Variants in CCDC125 observed in about 807,000 individuals in gnomAD.
CCDC125 encodes the protein coiled-coil domain containing 125.
In CCDC125, 43 loss-of-function variants were observed where a neutral mutation model predicts 57.4. The ratio of observed to expected loss-of-function variants is 0.75; its 90% CI spans 0.59 to 0.97. The LOEUF is 0.97. Among genes scored for constraint, CCDC125 ranks in the 50% least tolerant of loss-of-function variants. The pLI is 0.00. For synonymous variants in CCDC125, 187 were observed against 195.2 expected (o/e 0.96, Z 0.35); for missense variants, 563 against 595.7 (o/e 0.95, Z 0.57).
In CCDC125 at chr5:69,285,368, G is replaced by A; in HGVS notation, c.1199C>T (p.Pro400Leu). ...TATGAGCATCTTAAGGACCTCTTGA[G>A]GACTGTCCTGGTCTTCCATCCTCTT... is the stretch of plus-strand genomic sequence containing the variant. ...SSKRMEDQDS[P>L]QEVLKMLIDL... Residue 400 changes from proline (P) to leucine (L), a missense_variant, in exon 11 of 12, where the codon CCT becomes CTT. Pro to Leu is a moderately conservative substitution (Grantham distance 98). Transcript: ENST00000396496. The A allele has an allele frequency of 6.2e-7, 1 of 1,611,962 alleles. No individual in the cohort carries two copies. The highest frequency in any genetic ancestry group is 8.5e-7 in the Non-Finnish European group (1 of 1,179,430).
intron 1 of CCDC125, among the ~76,000 whole-genome samples, chr5:69,328,370 A>C (rs925027416): frequency 3.3e-5 from 5 of 152,202 alleles, no homozygotes; most frequent in Admixed American, 2.6e-4. Context: ...ACTTTATAAA[A>C]TACTATGTAA....
intron 2 of CCDC125, among the ~76,000 whole-genome samples, chr5:69,315,140 C>G (rs898816305): frequency 2.0e-5 from 3 of 151,878 alleles, no homozygotes; most frequent in African/African-American, 7.3e-5. Context: ...CCTGTAGTCT[C>G]AGCTACTCAA....
chr5:69,290,756 A>G (rs1183287001), intron 10 of CCDC125, among the ~76,000 whole-genome samples: 1 of 150,672 alleles, frequency 6.6e-6, no homozygotes, highest in African/African-American at 2.4e-5. Flanking sequence ...CAGCCTCCCA[A>G]GTAGCTGGGA....
At chr5:69,284,122 A>T (rs2150286324) in intron 11 of CCDC125, among the ~76,000 whole-genome samples, 1 of 152,190 alleles carries the variant, frequency 6.6e-6, no homozygotes, top group Non-Finnish European at 1.5e-5. Flanking sequence ...ATTTTTTAAA[A>T]AAAAAAACAG....
chr5:69,307,756 A>C lies in CCDC125; in HGVS notation c.531+195T>G, dbSNP rs890723166. 1.8e-5 allele frequency: 10 copies of C among 565,878 alleles called. No homozygotes were observed. The Admixed American group carries it at 2.8e-4, about 16-fold the overall frequency. 35.1% of individuals were successfully genotyped at this position (565,878 alleles called of 1,614,324 possible). ...TCCTACTACCTTAACATGGGGAAAT[A>C]AAAATAACCTGAATTCATTGTGCAC... On this transcript the variant is annotated intron_variant, in intron 5 of 11. Coordinates refer to ENST00000396496, the MANE Select transcript of CCDC125 (RefSeq NM_176816.5).
rs145923869 is a variant in CCDC125, at chr5:69,322,059, T to A, written c.-40-1479A>T. On this transcript the variant is annotated intron_variant, in intron 1 of 11. Transcript: ENST00000396496. ...TTTCTCCATGTTGGTCAAGCTGGTC[T>A]CGAACTCCTGACCTCAGGTGATCTG... is the stretch of plus-strand genomic sequence containing the variant. 4.6e-3 allele frequency among the ~76,000 whole-genome samples: 703 copies of A among 152,168 alleles called. 2 individuals are homozygous for A. Among genetic ancestry groups the A allele is most frequent in the African/African-American group, 0.016 (661 of 41,516 alleles).
In CCDC125 at chr5:69,320,232, C is replaced by A; in HGVS notation, c.304+5G>T. 1.2e-6 allele frequency: 2 copies of A among 1,608,770 alleles called. No individual in the cohort carries two copies. The highest frequency in any genetic ancestry group is 1.7e-6 in the Non-Finnish European group (2 of 1,176,446). On this transcript the variant is annotated splice_donor_5th_base_variant and intron_variant, in intron 2 of 11. Coordinates refer to ENST00000396496, the MANE Select transcript of CCDC125 (RefSeq NM_176816.5). ...AAGAAAGGAGAGGAAATTCAGCATT[C>A]TTACCAGTGCTACTTTGTCGTCTGT...
the CCDC125 span, among the ~76,000 whole-genome samples, chr5:69,274,759 G>A: frequency 1.3e-5 from 2 of 152,026 alleles, no homozygotes; most frequent in African/African-American, 2.4e-5. Flanking sequence ...GGGATTACAG[G>A]TGCACACCAC....
chr5:69,315,481 G>C (rs1758912786), intron 2 of CCDC125, among the ~76,000 whole-genome samples: 6 of 63,148 alleles, frequency 9.5e-5, no homozygotes, highest in Non-Finnish European at 2.6e-4. Context: ...AAAAGGCCAG[G>C]TGTGGTGGCT....
At chr5:69,290,280 T>TTTATTA (rs776480974) in intron 10 of CCDC125, among the ~76,000 whole-genome samples, 107 of 150,848 alleles carry the variant, frequency 7.1e-4, no homozygotes, top group African/African-American at 2.6e-3. Context: ...AAGCTTTCAT[T>TTTATTA]TTATTATTAT....
intron 6 of CCDC125, among the ~76,000 whole-genome samples, chr5:69,304,422 C>CTTTTT (rs35397437): frequency 3.7e-5 from 5 of 134,004 alleles, no homozygotes; most frequent in Non-Finnish European, 3.1e-5. Flanking sequence ...TAAACATACC[C>CTTTTT]TTTTTTTTTT....
intron 10 of CCDC125, among the ~76,000 whole-genome samples, chr5:69,290,303 T>C (rs1754192535): frequency 6.7e-6 from 1 of 149,634 alleles, no homozygotes; most frequent in Non-Finnish European, 1.5e-5. Context: ...TTATTATTAC[T>C]ATTATTATTA....
chr5:69,315,450 C>CAAAAAAAA (rs1359288696), intron 2 of CCDC125, among the ~76,000 whole-genome samples: 1 of 4,868 alleles, frequency 2.1e-4, no homozygotes, highest in African/African-American at 4.1e-4. Context: ...AAAAAAAAAA[C>CAAAAAAAA]AAAAAAAAAA....
Position 69,320,301 on chromosome 5 carries a change from C to G in CCDC125, c.240G>C (p.Lys80Asn). The change falls in exon 2 of 12, where the codon AAG (lysine) becomes AAC (asparagine). Residue 80 changes from lysine (K) to asparagine (N), a missense_variant. Lys to Asn is a moderately conservative substitution (Grantham distance 94). Coordinates refer to ENST00000396496, the MANE Select transcript of CCDC125 (RefSeq NM_176816.5). ...NEASFQYSKH[K>N]SQQDTFPQVS... ...CTTGAGGGAATGTATCTTGCTGGCT[C>G]TTATGCTTGGAATACTGAAAACTCG... 4 of 1,614,134 alleles carry G rather than the reference C, an allele frequency of 2.5e-6. No individual in the cohort carries two copies. The highest frequency in any genetic ancestry group is 2.5e-6 in the Non-Finnish European group (3 of 1,180,024).
chr5:69,287,658 C>T (rs112104714), intron 10 of CCDC125, among the ~76,000 whole-genome samples: 22,734 of 151,536 alleles, frequency 0.15, 1,923 homozygotes, highest in African/African-American at 0.21. Context: ...CAGCCTCAGC[C>T]TCCCAGGCTC....
chr5:69,283,358 C>T (rs1271572352), intron 11 of CCDC125, among the ~76,000 whole-genome samples: 4 of 150,952 alleles, frequency 2.6e-5, no homozygotes, highest in Admixed American at 6.6e-5. Flanking sequence ...TAGCTGGGAC[C>T]ACAGGTGCCC....
chr5:69,328,753 T>G (rs1761037213), intron 1 of CCDC125, among the ~76,000 whole-genome samples: 1 of 152,114 alleles, frequency 6.6e-6, no homozygotes, highest in South Asian at 2.1e-4. Context: ...ATGGTAATCT[T>G]GAATAGATAA....
At chr5:69,294,662 C>T in intron 9 of CCDC125, 131 bp downstream of exon 9, 1 of 728,832 alleles carries the variant, frequency 1.4e-6, no homozygotes, top group South Asian at 1.7e-5. Flanking sequence ...GATGCTATCA[C>T]ATAAAAACTA....
At chr5:69,313,091 G>GC (rs1234487678) in intron 3 of CCDC125, among the ~76,000 whole-genome samples, 2 of 152,008 alleles carry the variant, frequency 1.3e-5, no homozygotes, top group South Asian at 2.1e-4. Context: ...GAAAATACAG[G>GC]CCCCCCCATA....
Sources: allele counts gnomAD v4.1 joint callset (sites outside exome capture counted in the v4.1 genomes callset), GRCh38; gene constraint gnomAD v4.1.1; transcripts MANE v1.5; gene names NCBI Gene and HGNC (gene_info 2026-07-23, HGNC 2026-07-21).